The following CEP162 variants were observed in gnomAD, a reference collection of about 807,000 sequenced individuals.
CEP162 encodes the protein centrosomal protein 162, also known as centrosomal protein of 162 kDa.
Under a neutral mutation model 169.2 loss-of-function variants are expected in CEP162, and 141 were observed. The ratio of observed to expected loss-of-function variants is 0.83; its 90% CI spans 0.73 to 0.96. The LOEUF is 0.96. Among genes scored for constraint, CEP162 ranks in the 40% least tolerant of loss-of-function variants. The probability of loss-of-function intolerance (pLI) is 0.00; values close to 1 mark genes in which losing one functional copy is unlikely to be tolerated. For synonymous variants in CEP162, 540 were observed against 526.4 expected (o/e 1.03, Z -0.35); for missense variants, 1,600 against 1,587.2 (o/e 1.01, Z -0.14).
At chr6:84,227,236 G>C (rs1235584415) in intron 1 of CEP162, among the ~76,000 whole-genome samples, 1 of 152,116 alleles carries the variant, frequency 6.6e-6, no homozygotes, top group Non-Finnish European at 1.5e-5. Context: ...TGGGGGAGGG[G>C]AAGAGGGCTT....
Position 84,153,061 on chromosome 6 carries a change from T to C in CEP162, c.3113A>G (p.His1038Arg), listed in dbSNP as rs1417774571. ...TTCAAGGTTTCTTACAGTGATCTGATGGGCTTCCTTGATGTCATCAAGTTC... is the reference window on the plus strand; with the variant it reads ...TTCAAGGTTTCTTACAGTGATCTGACGGGCTTCCTTGATGTCATCAAGTTC... ...EKELDDIKEA[H>R]QITVRNLEAE... Residue 1038 changes from histidine (H) to arginine (R), a missense_variant, in exon 23 of 27, where the codon CAT becomes CGT. Physicochemically the swap from His to Arg is conservative, Grantham distance 29. Transcript: ENST00000403245. 1 of 1,613,542 alleles carries C rather than the reference T, an allele frequency of 6.2e-7. No individual in the cohort carries two copies. Among genetic ancestry groups the C allele is most frequent in the South Asian group, 1.1e-5 (1 of 91,066 alleles).
At chr6:84,173,588 TCTC>T (rs778355541) in intron 16 of CEP162, among the ~76,000 whole-genome samples, 2 of 152,084 alleles carry the variant, frequency 1.3e-5, no homozygotes, top group South Asian at 4.2e-4. Context: ...ACCATTTAAT[TCTC>T]CTCATGAGAA....
rs1048953294 is a variant in CEP162, at chr6:84,175,110, A to G, written c.1797+104T>C. On this transcript the variant is annotated intron_variant, in intron 14 of 26. Coordinates refer to ENST00000403245, the MANE Select transcript of CEP162 (RefSeq NM_014895.4). ...GTAAGAGTGATTACAGTATCACTCAAAGGAAAAGACATTTCAGTCCTTATT... is the reference window on the plus strand; with the variant it reads ...GTAAGAGTGATTACAGTATCACTCAGAGGAAAAGACATTTCAGTCCTTATT... 49 of 918,890 alleles carry G rather than the reference A, an allele frequency of 5.3e-5. No individual in the cohort carries two copies. In the African/African-American group the frequency reaches 7.9e-4, roughly 15 times the overall value. 56.9% of individuals were successfully genotyped at this position (918,890 alleles called of 1,614,324 possible). A position where few individuals can be genotyped will look rare whatever the true frequency, so the allele number is the denominator to read the frequency against.
chr6:84,165,316 T>A (rs539874077), intron 18 of CEP162, among the ~76,000 whole-genome samples: 1 of 152,146 alleles, frequency 6.6e-6, no homozygotes, highest in East Asian at 1.9e-4. Flanking sequence ...AAAAAATGCT[T>A]GGGACATCAA....
At position 84,201,860 on chromosome 6, in the gene CEP162, GC is replaced by G. The variant is rs2099544649; in HGVS notation, c.688-94del. ...ATAATAGCAAAATCTGAAATCCAGG[GC>G]TTTTTATTCCACATTGAAACGATCA... On this transcript the variant is annotated intron_variant, in intron 7 of 26. Transcript: ENST00000403245. 2.2e-4 allele frequency: 142 copies of G among 646,664 alleles called. 2 individuals carry two copies. In the South Asian group the frequency reaches 2.7e-3, roughly 12 times the overall value. The allele number at this position is 646,664 out of a possible 1,614,324, so 40.1% of individuals were successfully genotyped here.
At chr6:84,151,968 T>C (rs1366253603) in intron 23 of CEP162, among the ~76,000 whole-genome samples, 3 of 151,690 alleles carry the variant, frequency 2.0e-5, no homozygotes, top group Admixed American at 6.6e-5. Context: ...AAAGACAGGA[T>C]TGGATTGGAA....
chr6:84,204,764 G>A (rs544002520), intron 6 of CEP162, among the ~76,000 whole-genome samples: 7 of 152,088 alleles, frequency 4.6e-5, no homozygotes, highest in African/African-American at 7.2e-5. Flanking sequence ...CACAAAAAAC[G>A]CTTCAAAAAA....
intron 5 of CEP162, among the ~76,000 whole-genome samples, chr6:84,214,748 A>G (rs941867734): frequency 1.3e-5 from 2 of 152,152 alleles, no homozygotes; most frequent in African/African-American, 4.8e-5. Flanking sequence ...AAGGGCATTA[A>G]AGACCTCAGG....
chr6:84,171,860 T>C (rs1359888423), intron 16 of CEP162, 142 bp from the exon 17 acceptor site: 2 of 405,804 alleles, frequency 4.9e-6, no homozygotes, highest in Non-Finnish European at 8.6e-6. Flanking sequence ...TTTTTTAAAC[T>C]TTTTATATTA....
intron 3 of CEP162, chr6:84,219,121 T>C (rs2099552663): frequency 8.3e-7 from 1 of 1,210,564 alleles, no homozygotes; most frequent in Non-Finnish European, 1.1e-6. Flanking sequence ...AGATTAATAA[T>C]GCATTCCTCT....
intron 23 of CEP162, 55 bp from the exon 24 acceptor site, chr6:84,149,758 T>G (rs1191176586): frequency 3.4e-5 from 48 of 1,397,130 alleles, no homozygotes; most frequent in Non-Finnish European, 4.2e-5. Flanking sequence ...AACCTCTAAT[T>G]CAGAGTTAGC....
rs1366120673 is a variant in CEP162, at chr6:84,175,244, T to C, written c.1767A>G (p.Thr589=). ...LSTRKKSENP[T]ETDSCIQFQT... ...GAAACTGAATACAGGAATCAGTTTC[T>C]GTGGGATTTTCAGACTTCTTACGAG... Residue 589 remains threonine (T), a synonymous_variant, in exon 14 of 27, where the codon ACA becomes ACG. Transcript: ENST00000403245. The C allele has an allele frequency of 3.2e-6, 5 of 1,542,630 alleles. No homozygotes were observed. Among genetic ancestry groups the C allele is most frequent in the African/African-American group, 2.7e-5 (2 of 72,838 alleles).
intron 11 of CEP162, among the ~76,000 whole-genome samples, chr6:84,189,605 A>G (rs1189696228): frequency 4.6e-5 from 7 of 152,136 alleles, no homozygotes; most frequent in Admixed American, 3.9e-4. Flanking sequence ...CTGCCTTCCC[A>G]CAGGGCAGGG....
intron 25 of CEP162, among the ~76,000 whole-genome samples, chr6:84,133,563 G>A (rs549729531): frequency 5.2e-4 from 79 of 152,292 alleles, no homozygotes; most frequent in African/African-American, 1.7e-3. Flanking sequence ...CCTCAGCAAC[G>A]GCGGATGCCC....
At chr6:84,211,535 A>G (rs1434778054) in intron 6 of CEP162, among the ~76,000 whole-genome samples, 2 of 150,020 alleles carry the variant, frequency 1.3e-5, no homozygotes, top group Non-Finnish European at 3.0e-5. Context: ...TCAAAAAAAA[A>G]AAAAAAAAAA....
In CEP162 at chr6:84,125,262, T is replaced by C. The variant is rs751300194; in HGVS notation, c.4020A>G (p.Thr1340=). 6.2e-7 allele frequency: 1 copy of C among 1,613,326 alleles called. No homozygotes were observed. Among genetic ancestry groups the C allele is most frequent in the Admixed American group, 1.7e-5 (1 of 59,900 alleles). ...EQELQQIIQQ[T]HQVVETEQNK... is the part of the protein sequence containing the mutation. ...TTTGCTCAGTTTCTACTACTTGGTG[T>C]GTTTGCTGTATTATCTGCAAATACA... The change falls in exon 27 of 27, where the codon ACA becomes ACG. Residue 1340 remains threonine (T), a synonymous_variant. Transcript: ENST00000403245.
intron 22 of CEP162, among the ~76,000 whole-genome samples, chr6:84,154,605 T>C (rs1414772228): frequency 2.0e-5 from 3 of 152,262 alleles, no homozygotes; most frequent in African/African-American, 7.2e-5. Flanking sequence ...ATCTGCAAAA[T>C]AGTGTTAACA....
At chr6:84,188,778 T>C (rs1382243360) in intron 11 of CEP162, among the ~76,000 whole-genome samples, 2 of 152,208 alleles carry the variant, frequency 1.3e-5, no homozygotes, top group Admixed American at 6.5e-5. Flanking sequence ...TGAATAGTAA[T>C]TCTGCTTTAA....
At chr6:84,144,703 C>T (rs998251868) in intron 25 of CEP162, among the ~76,000 whole-genome samples, 1 of 151,992 alleles carries the variant, frequency 6.6e-6, no homozygotes, top group African/African-American at 2.4e-5. Flanking sequence ...TCAAGCAGAA[C>T]AAGAATTAAT....
Sources: gnomAD v4.1 joint callset for allele counts (sites outside exome capture counted in the v4.1 genomes callset) on GRCh38, gnomAD v4.1.1 for gene constraint, MANE v1.5 for transcripts, NCBI Gene and HGNC (gene_info 2026-07-23, HGNC 2026-07-21) for gene names.